Variants in ZNF407 observed in about 807,000 individuals in gnomAD.
ZNF407 encodes the protein zinc finger protein 407.
ZNF407 carries 17 observed loss-of-function variants against 131.2 expected under a neutral mutation model. That is an observed-to-expected ratio of 0.13 (90% CI 0.09 to 0.19). The LOEUF (loss-of-function observed/expected upper bound fraction) is 0.19. ZNF407 is among the 10% of genes least tolerant of loss of function. The pLI is 1.00. For missense variants in ZNF407, 2,681 were observed against 2,830.6 expected (o/e 0.95, Z 1.20); for synonymous variants, 1,156 against 1,062.0 (o/e 1.09, Z -1.72).
chr18:74,764,836 A>G (rs996327259), intron 3 of ZNF407, among the ~76,000 whole-genome samples: 1 of 152,232 alleles, frequency 6.6e-6, no homozygotes, highest in Non-Finnish European at 1.5e-5. Context: ...ATATTACTCT[A>G]TTCTTTAAGC....
chr18:74,818,359 T>A (rs375794954), intron 4 of ZNF407, among the ~76,000 whole-genome samples: 1 of 152,222 alleles, frequency 6.6e-6, no homozygotes. Context: ...GACATGTGGA[T>A]AATTAGGTTT....
At chr18:74,875,335 A>T (rs1286516151) in intron 4 of ZNF407, among the ~76,000 whole-genome samples, 1 of 152,192 alleles carries the variant, frequency 6.6e-6, no homozygotes, top group Non-Finnish European at 1.5e-5. Flanking sequence ...CTTTAGTTTA[A>T]CATTTTTATT....
chr18:74,644,507 A>G (rs1209332944), intron 3 of ZNF407, among the ~76,000 whole-genome samples: 1 of 151,922 alleles, frequency 6.6e-6, no homozygotes, highest in Non-Finnish European at 1.5e-5. Flanking sequence ...GATGACTTAC[A>G]AAAGTTATTT....
At chr18:74,805,933 G>C (rs1157260415) in intron 4 of ZNF407, among the ~76,000 whole-genome samples, 1 of 152,132 alleles carries the variant, frequency 6.6e-6, no homozygotes, top group Non-Finnish European at 1.5e-5. Context: ...TTTGTTTAAT[G>C]GAAGAGCTTA....
At chr18:74,984,214 G>A (rs1388141351) in intron 8 of ZNF407, among the ~76,000 whole-genome samples, 3 of 152,120 alleles carry the variant, frequency 2.0e-5, no homozygotes, top group Non-Finnish European at 2.9e-5. Context: ...CACTCCCAGC[G>A]AGCCTCGCCT....
intron 4 of ZNF407, among the ~76,000 whole-genome samples, chr18:74,866,576 A>G (rs1459278803): frequency 6.6e-6 from 1 of 152,134 alleles, no homozygotes. Flanking sequence ...TAGATACATA[A>G]AGACCTATAG....
In ZNF407 at chr18:74,922,688, G is replaced by A. The variant is rs148904170; in HGVS notation, c.5428+1996G>A. 2.2e-4 allele frequency among the ~76,000 whole-genome samples: 34 copies of A among 152,206 alleles called. No homozygotes were observed. The East Asian group carries it at 5.6e-3, about 25-fold the overall frequency. On this transcript the variant is annotated intron_variant, in intron 8 of 8. Transcript: ENST00000299687. ...ACTGCAGTTACGTGATGTAATTCACGCAAGTAACACAAAACTGGAGTTCAG... is the reference window on the plus strand; with the variant it reads ...ACTGCAGTTACGTGATGTAATTCACACAAGTAACACAAAACTGGAGTTCAG...
At chr18:74,874,593 T>C (rs1297287049) in intron 4 of ZNF407, among the ~76,000 whole-genome samples, 1 of 152,180 alleles carries the variant, frequency 6.6e-6, no homozygotes, top group African/African-American at 2.4e-5. Flanking sequence ...ACTGTGCATC[T>C]CCCGTCTCTG....
chr18:75,001,909 G>A (rs534328640), intron 8 of ZNF407, among the ~76,000 whole-genome samples: 1 of 152,332 alleles, frequency 6.6e-6, no homozygotes, highest in African/African-American at 2.4e-5. Flanking sequence ...GGGCAGTTTT[G>A]GGAGAGGAGG....
chr18:74,991,190 T>C (rs1972714474), intron 8 of ZNF407, among the ~76,000 whole-genome samples: 1 of 152,212 alleles, frequency 6.6e-6, no homozygotes, highest in African/African-American at 2.4e-5. Flanking sequence ...ACTAAAAAGC[T>C]GATAGCACGC....
At chr18:75,049,104 G>A (rs1365916966) in intron 8 of ZNF407, among the ~76,000 whole-genome samples, 2 of 148,124 alleles carry the variant, frequency 1.4e-5, no homozygotes, top group Non-Finnish European at 3.0e-5. Context: ...TTTTTGGGTG[G>A]GGGGGGGGTG....
intron 4 of ZNF407, among the ~76,000 whole-genome samples, chr18:74,838,810 T>G (rs907062154): frequency 1.3e-5 from 2 of 152,216 alleles, no homozygotes; most frequent in Non-Finnish European, 2.9e-5. Context: ...CTTCAGATTC[T>G]TTTGTCTCAT....
At chr18:74,857,967 C>T (rs1204170606) in intron 4 of ZNF407, among the ~76,000 whole-genome samples, 2 of 132,718 alleles carry the variant, frequency 1.5e-5, no homozygotes, top group East Asian at 2.7e-4. Context: ...CTTCCTGACT[C>T]CCTTTGCTTC....
intron 8 of ZNF407, among the ~76,000 whole-genome samples, chr18:75,045,312 C>T (rs762049055): frequency 1.3e-5 from 2 of 152,146 alleles, no homozygotes; most frequent in Non-Finnish European, 2.9e-5. Flanking sequence ...ATGCTGATAA[C>T]TGAACCATTC....
At chr18:74,801,594 C>T (rs1970020401) in intron 4 of ZNF407, among the ~76,000 whole-genome samples, 1 of 152,142 alleles carries the variant, frequency 6.6e-6, no homozygotes, top group Non-Finnish European at 1.5e-5. Flanking sequence ...ATCTACTTAT[C>T]CCACCTGTAG....
chr18:74,646,714 A>G (rs945904495), intron 3 of ZNF407, among the ~76,000 whole-genome samples: 1 of 152,228 alleles, frequency 6.6e-6, no homozygotes, highest in Non-Finnish European at 1.5e-5. Flanking sequence ...GATCTTGGTT[A>G]TACTATTCAC....
chr18:74,804,089 G>T, intron 4 of ZNF407: 1 of 1,549,526 alleles, frequency 6.5e-7, no homozygotes. Context: ...CCTGCAGTGG[G>T]AGGATTGGCT....
rs750171952 is a variant in ZNF407 at position 74,676,551 on chromosome 18, C to T, written c.4802+35429C>T. 1.6e-3 allele frequency among the ~76,000 whole-genome samples: 240 copies of T among 152,050 alleles called. 2 individuals carry two copies. The highest frequency in any genetic ancestry group is 2.3e-3 in the Non-Finnish European group (157 of 67,994). On this transcript the variant is annotated intron_variant, in intron 3 of 8. Coordinates refer to ENST00000299687, the MANE Select transcript of ZNF407 (RefSeq NM_017757.3). ...TCCCGGGTTCACGCCATTCTCCTGCCTCAACCTCCCGAGTAGCTGGGACTA... is the reference window on the plus strand; with the variant it reads ...TCCCGGGTTCACGCCATTCTCCTGCTTCAACCTCCCGAGTAGCTGGGACTA...
At chr18:74,775,658 A>G (rs1969454125) in intron 3 of ZNF407, among the ~76,000 whole-genome samples, 1 of 152,200 alleles carries the variant, frequency 6.6e-6, no homozygotes, top group Non-Finnish European at 1.5e-5. Flanking sequence ...TGATACCTGT[A>G]TTAGGCTGTT....
Sources: gnomAD v4.1 joint callset for allele counts (sites outside exome capture counted in the v4.1 genomes callset) on GRCh38, gnomAD v4.1.1 for gene constraint, MANE v1.5 for transcripts, NCBI Gene and HGNC (gene_info 2026-07-23, HGNC 2026-07-21) for gene names.